The following RARS1 variants were observed in gnomAD, a reference collection of about 807,000 sequenced individuals.
RARS1 encodes the protein arginyl-tRNA synthetase 1.
Under a neutral mutation model 78.7 loss-of-function variants are expected in RARS1, and 75 were observed. The observed-to-expected ratio is 0.95, with a 90% CI of 0.79 to 1.15. The LOEUF (loss-of-function observed/expected upper bound fraction) is 1.15. RARS1 is among the 50% of genes most tolerant of loss of function. RARS1 has a pLI of 0.00. For missense variants in RARS1, 787 were observed against 787.5 expected (o/e 1.00, Z 0.01); for synonymous variants, 273 against 268.2 (o/e 1.02, Z -0.18).
chr5:168,490,613 G>A (rs1758062884), intron 2 of RARS1, among the ~76,000 whole-genome samples: 1 of 152,180 alleles, frequency 6.6e-6, no homozygotes. Flanking sequence ...AAACCACAGA[G>A]TAATAAAGTA....
chr5:168,518,088 T>TTTTTTTA, intron 14 of RARS1, 26 bp downstream of exon 14: 1 of 1,429,152 alleles, frequency 7.0e-7, no homozygotes, highest in Non-Finnish European at 9.1e-7. Flanking sequence ...TTTTTTTTTT[T>TTTTTTTA]TTTTTTTAGT....
At chr5:168,510,379 T>C (rs1185299089) in intron 11 of RARS1, among the ~76,000 whole-genome samples, 1 of 152,202 alleles carries the variant, frequency 6.6e-6, no homozygotes. Context: ...CATGTAGTAC[T>C]CTCCTTGCTT....
At chr5:168,486,928 T>C (rs1348188457) in intron 1 of RARS1, among the ~76,000 whole-genome samples, 1 of 152,120 alleles carries the variant, frequency 6.6e-6, no homozygotes, top group Non-Finnish European at 1.5e-5. Flanking sequence ...CTCTGGGTCT[T>C]GGTTTGCAGC....
At position 168,506,043 on chromosome 5, in the gene RARS1, C is replaced by T. The variant is rs1296613023; in HGVS notation, c.1080C>T (p.Gly360=). Residue 360 remains glycine (G), a synonymous_variant, in exon 10 of 15, where the codon GGC becomes GGT. Transcript: ENST00000231572. ...TAGGATTTGTGCAGGTGGATGATGGCAGAAAGATTGTATTTGTCCCAGGGT... is the reference window on the plus strand; with the variant it reads ...TAGGATTTGTGCAGGTGGATGATGGTAGAAAGATTGTATTTGTCCCAGGGT... ...EDRGFVQVDD[G]RKIVFVPGCS... The T allele has an allele frequency of 3.1e-6, 5 of 1,603,354 alleles. No homozygotes were observed. The South Asian group carries it at 5.6e-5, about 18-fold the overall frequency.
intron 7 of RARS1, among the ~76,000 whole-genome samples, chr5:168,499,888 AAAT>A (rs1425699131): frequency 6.6e-6 from 1 of 152,270 alleles, no homozygotes; most frequent in African/African-American, 2.4e-5. Flanking sequence ...TTTAGTTAAA[AAAT>A]AATAATAATA....
chr5:168,514,279 C>T (rs112915607), intron 12 of RARS1, among the ~76,000 whole-genome samples: 1 of 152,268 alleles, frequency 6.6e-6, no homozygotes, highest in South Asian at 2.1e-4. Context: ...TAGGAGAATT[C>T]TTGGCCCTAT....
At chr5:168,518,948 T>C in intron 14 of RARS1, 133 bp from the exon 15 acceptor site, 1 of 603,902 alleles carries the variant, frequency 1.7e-6, no homozygotes, top group South Asian at 2.3e-5. Context: ...AAGAAGATTC[T>C]AGTTAAAACC....
At chr5:168,508,731 T>A (rs1195945893) in intron 11 of RARS1, among the ~76,000 whole-genome samples, 1 of 152,196 alleles carries the variant, frequency 6.6e-6, no homozygotes. Context: ...TTTTCTGTTT[T>A]AATTTTTTGA....
At chr5:168,494,743 A>G (rs904845076) in intron 5 of RARS1, 93 bp downstream of exon 5, 11 of 891,698 alleles carry the variant, frequency 1.2e-5, no homozygotes, top group East Asian at 5.1e-5. Context: ...GCTACTTGGG[A>G]GGCTGAAGCA....
chr5:168,505,831 T>TA (rs1758433836), intron 9 of RARS1, among the ~76,000 whole-genome samples, 190 bp from the exon 10 acceptor site: 1 of 151,910 alleles, frequency 6.6e-6, no homozygotes, highest in African/African-American at 2.4e-5. Context: ...GCAACCTTGA[T>TA]GGTTAACATT....
chr5:168,502,375 T>C (rs1242299210), intron 9 of RARS1, among the ~76,000 whole-genome samples: 1 of 91,836 alleles, frequency 1.1e-5, no homozygotes, highest in Non-Finnish European at 2.1e-5. Context: ...TATATATATA[T>C]ATATATATAT....
chr5:168,506,753 C>T lies in RARS1; in HGVS notation c.1268C>T (p.Ala423Val). The T allele has an allele frequency of 6.2e-7, 1 of 1,613,666 alleles. No homozygotes were observed. The highest frequency in any genetic ancestry group is 8.5e-7 in the Non-Finnish European group (1 of 1,179,784). Reference sequence around the variant, plus strand: ...CACTTCCAGACAATATTTGCTGCTGCTCAAATGATTGGTTGGTATGACCCT... The same window carrying T: ...CACTTCCAGACAATATTTGCTGCTGTTCAAATGATTGGTTGGTATGACCCT... Reference protein sequence around the residue: ...SVHFQTIFAAAQMIGWYDPKV... With the variant: ...SVHFQTIFAAVQMIGWYDPKV... Residue 423 changes from alanine to valine, a missense_variant, in exon 11 of 15, where the codon GCT becomes GTT. Coordinates refer to ENST00000231572, the MANE Select transcript of RARS1 (RefSeq NM_002887.4).
At chr5:168,501,113 A>T (rs578176469) in intron 8 of RARS1, among the ~76,000 whole-genome samples, 1 of 152,318 alleles carries the variant, frequency 6.6e-6, no homozygotes, top group African/African-American at 2.4e-5. Flanking sequence ...CTAGTTCTCC[A>T]AATTTATTTA....
At chr5:168,517,299 T>A (rs889029976) in intron 13 of RARS1, among the ~76,000 whole-genome samples, 2 of 152,140 alleles carry the variant, frequency 1.3e-5, no homozygotes, top group African/African-American at 4.8e-5. Context: ...CTCACCACCA[T>A]GCCCAGCTAA....
chr5:168,515,553 T>C (rs1401507667), intron 12 of RARS1, among the ~76,000 whole-genome samples: 3 of 152,254 alleles, frequency 2.0e-5, no homozygotes, highest in African/African-American at 7.2e-5. Flanking sequence ...GCTGAGGTTA[T>C]TTCCCTCCAG....
intron 10 of RARS1, 90 bp downstream of exon 10, chr5:168,506,289 G>A (rs1758443496): frequency 9.1e-7 from 1 of 1,097,240 alleles, no homozygotes; most frequent in Non-Finnish European, 1.3e-6. Context: ...CTGGATGACT[G>A]TAAATTTTCC....
intron 13 of RARS1, 36 bp downstream of exon 13, chr5:168,516,986 A>G (rs776431801): frequency 6.3e-7 from 1 of 1,579,830 alleles, no homozygotes; most frequent in Non-Finnish European, 8.6e-7. Flanking sequence ...TTGTGAATCA[A>G]ATGAAAGCAT....
chr5:168,504,616 T>C (rs6863186), intron 9 of RARS1, among the ~76,000 whole-genome samples: 1 of 151,122 alleles, frequency 6.6e-6, no homozygotes, highest in African/African-American at 2.4e-5. Flanking sequence ...CACGAGGTCA[T>C]GAGTTGAGAC....
In RARS1 at chr5:168,494,636, G is replaced by A. The variant is rs767586815; in HGVS notation, c.565G>A (p.Gly189Arg). The A allele has an allele frequency of 7.5e-6, 12 of 1,591,050 alleles. No individual in the cohort carries two copies. The highest frequency in any genetic ancestry group is 1.0e-5 in the Non-Finnish European group (12 of 1,159,438). Residue 189 changes from glycine to arginine, a missense_variant, in exon 5 of 15, where the codon GGA becomes AGA. Gly to Arg is a moderately radical substitution (Grantham distance 125). Transcript: ENST00000231572. Reference protein sequence around the residue: ...LVNGVQLPALGENKKVIVDFS... With the variant: ...LVNGVQLPALRENKKVIVDFS... ...GAATGGAGTTCAACTACCTGCTCTG[G>A]GAGAGAATAAAAAGGTATATGTACA...
Sources: gnomAD v4.1 joint callset for allele counts (sites outside exome capture counted in the v4.1 genomes callset) on GRCh38, gnomAD v4.1.1 for gene constraint, MANE v1.5 for transcripts, NCBI Gene and HGNC (gene_info 2026-07-23, HGNC 2026-07-21) for gene names.